The following SLX4IP variants were observed in gnomAD, a reference collection of about 807,000 sequenced individuals.
SLX4IP encodes protein SLX4IP.
SLX4IP carries 34 observed loss-of-function variants against 32.9 expected under a neutral mutation model. The observed-to-expected ratio is 1.03, with a 90% CI of 0.79 to 1.38. The LOEUF (loss-of-function observed/expected upper bound fraction) is 1.38. SLX4IP is among the 40% of genes most tolerant of loss of function. SLX4IP has a pLI of 0.00. For synonymous variants in SLX4IP, 172 were observed against 171.7 expected, an observed-to-expected ratio of 1.00 and a Z score of -0.01; for missense variants, 444 against 479.0, an observed-to-expected ratio of 0.93 and a Z score of 0.68.
chr20:10,572,519 C>T (rs2066477669), intron 4 of SLX4IP, among the ~76,000 whole-genome samples: 1 of 152,088 alleles, frequency 6.6e-6, no homozygotes, highest in Admixed American at 6.5e-5. Flanking sequence ...AAGCACTTGC[C>T]TCAATGCATT....
At chr20:10,469,802 A>G (rs958386178) in intron 2 of SLX4IP, among the ~76,000 whole-genome samples, 17 of 152,208 alleles carry the variant, frequency 1.1e-4, no homozygotes, top group South Asian at 2.1e-4. Flanking sequence ...CCACGTTACT[A>G]TGACATCCTA....
At chr20:10,512,553 CCTGT>C (rs1367159312) in intron 2 of SLX4IP, among the ~76,000 whole-genome samples, 1 of 143,534 alleles carries the variant, frequency 7.0e-6, no homozygotes, top group Non-Finnish European at 1.5e-5. Context: ...CCCCACCATC[CCTGT>C]CTAATTTTAT....
intron 2 of SLX4IP, among the ~76,000 whole-genome samples, chr20:10,477,640 T>C (rs2065486900): frequency 6.6e-6 from 1 of 152,194 alleles, no homozygotes; most frequent in Non-Finnish European, 1.5e-5. Flanking sequence ...GGATCTTGGT[T>C]CCTTCTCTCC....
intron 2 of SLX4IP, among the ~76,000 whole-genome samples, chr20:10,511,063 G>A (rs749536057): frequency 3.3e-5 from 5 of 152,188 alleles, no homozygotes; most frequent in Admixed American, 3.3e-4. Context: ...CTTTGGTGCC[G>A]TGTTCTTGTC....
intron 2 of SLX4IP, among the ~76,000 whole-genome samples, chr20:10,501,389 A>G (rs1320791682): frequency 6.6e-6 from 1 of 152,142 alleles, no homozygotes; most frequent in Non-Finnish European, 1.5e-5. Flanking sequence ...TGAGTAGTAA[A>G]GGAACCAGAG....
At chr20:10,470,277 T>G (rs915537421) in intron 2 of SLX4IP, among the ~76,000 whole-genome samples, 5 of 152,166 alleles carry the variant, frequency 3.3e-5, no homozygotes. Context: ...AGGGATGGGG[T>G]AGCGATTGAG....
intron 1 of SLX4IP, among the ~76,000 whole-genome samples, chr20:10,455,822 G>A (rs1289942259): frequency 6.6e-6 from 1 of 151,990 alleles, no homozygotes; most frequent in Non-Finnish European, 1.5e-5. Flanking sequence ...TGTTGGCCAG[G>A]GTTGTCTCGA....
At chr20:10,606,835 AT>A (rs1568768613) in intron 6 of SLX4IP, among the ~76,000 whole-genome samples, 2 of 151,786 alleles carry the variant, frequency 1.3e-5, no homozygotes, top group Non-Finnish European at 2.9e-5. Flanking sequence ...GTTTCTGTCC[AT>A]TTTTTTTACT....
intron 2 of SLX4IP, among the ~76,000 whole-genome samples, chr20:10,507,791 A>G (rs1291817903): frequency 1.3e-5 from 2 of 152,062 alleles, no homozygotes; most frequent in African/African-American, 4.8e-5. Context: ...CTTTATGCCA[A>G]CCACCCAGAA....
chr20:10,489,946 T>C (rs1251464036), intron 2 of SLX4IP, among the ~76,000 whole-genome samples: 1 of 152,192 alleles, frequency 6.6e-6, no homozygotes, highest in Non-Finnish European at 1.5e-5. Context: ...TTAAATTTTC[T>C]TCTGCACTTA....
chr20:10,568,597 A>T (rs1056985559), intron 4 of SLX4IP, among the ~76,000 whole-genome samples: 43 of 152,352 alleles, frequency 2.8e-4, no homozygotes, highest in African/African-American at 9.9e-4. Context: ...AAAGATGCTC[A>T]TGGATGTTTC....
intron 2 of SLX4IP, among the ~76,000 whole-genome samples, chr20:10,499,683 G>A (rs1319026150): frequency 6.6e-6 from 1 of 152,148 alleles, no homozygotes; most frequent in Non-Finnish European, 1.5e-5. Context: ...ATGAGAACAA[G>A]GTCATTATTT....
chr20:10,547,792 A>G (rs183853178), intron 2 of SLX4IP, among the ~76,000 whole-genome samples: 4 of 152,254 alleles, frequency 2.6e-5, no homozygotes, highest in East Asian at 3.9e-4. Context: ...CATCACTGAT[A>G]TATGTTTTCA....
intron 2 of SLX4IP, among the ~76,000 whole-genome samples, chr20:10,488,129 T>C (rs1046040336): frequency 1.3e-5 from 2 of 152,252 alleles, no homozygotes; most frequent in East Asian, 3.9e-4. Flanking sequence ...GGTTGAAATA[T>C]CCCTTCCCAA....
chr20:10,611,720 G>T (rs1183226819), intron 6 of SLX4IP, among the ~76,000 whole-genome samples: 1 of 152,178 alleles, frequency 6.6e-6, no homozygotes, highest in Non-Finnish European at 1.5e-5. Context: ...CAAAATCTGA[G>T]CATTGCTTCC....
chr20:10,544,668 T>G (rs2066144027), intron 2 of SLX4IP, among the ~76,000 whole-genome samples: 1 of 152,200 alleles, frequency 6.6e-6, no homozygotes, highest in Non-Finnish European at 1.5e-5. Context: ...ATTACAGGCG[T>G]GAGCCACCAT....
intron 6 of SLX4IP, among the ~76,000 whole-genome samples, chr20:10,604,691 C>G (rs1481958177): frequency 1.3e-5 from 2 of 152,250 alleles, no homozygotes; most frequent in Non-Finnish European, 2.9e-5. Flanking sequence ...TTTCTCTTGT[C>G]CACTCAGGGA....
intron 4 of SLX4IP, among the ~76,000 whole-genome samples, chr20:10,594,393 C>G (rs1268801036): frequency 6.6e-6 from 1 of 152,102 alleles, no homozygotes; most frequent in Non-Finnish European, 1.5e-5. Flanking sequence ...CCTGATGGCT[C>G]ACCAAGCCAC....
chr20:10,477,883 C>A (rs1427336199), intron 2 of SLX4IP, among the ~76,000 whole-genome samples: 1 of 146,276 alleles, frequency 6.8e-6, no homozygotes, highest in Non-Finnish European at 1.5e-5. Context: ...TGTGGTGTTC[C>A]TTGTTACAAT....
Sources: gnomAD v4.1 joint callset for allele counts (sites outside exome capture counted in the v4.1 genomes callset) on GRCh38, gnomAD v4.1.1 for gene constraint, MANE v1.5 for transcripts, NCBI Gene and HGNC (gene_info 2026-07-23, HGNC 2026-07-21) for gene names.